DNAH12: variants seen among roughly 807,000 people sequenced by gnomAD.
The protein encoded by DNAH12 is dynein axonemal heavy chain 12.
In DNAH12, 285 loss-of-function variants were observed where a neutral mutation model predicts 371.5. The ratio of observed to expected loss-of-function variants is 0.77; its 90% CI spans 0.70 to 0.85. The LOEUF is 0.85. Ranked by LOEUF, DNAH12 falls within the 40% of genes least tolerant of loss-of-function variation. DNAH12 has a pLI of 0.00. For missense variants in DNAH12, 3,611 were observed against 3,689.4 expected (o/e 0.98, Z 0.55); for synonymous variants, 1,200 against 1,213.0 (o/e 0.99, Z 0.22).
At chr3:57,501,505 A>C in intron 10 of DNAH12, 93 bp from the exon 11 acceptor site, 1 of 799,536 alleles carries the variant, frequency 1.3e-6, no homozygotes, top group East Asian at 3.0e-5. Flanking sequence ...GGACCTACTC[A>C]ATTAAATATT....
chr3:57,523,810 G>T lies in DNAH12; in HGVS notation c.245C>A (p.Pro82His). The T allele has an allele frequency of 6.3e-7, 1 of 1,599,424 alleles. No individual in the cohort carries two copies. The highest frequency in any genetic ancestry group is 1.3e-5 in the African/African-American group (1 of 74,506). The change falls in exon 3 of 74, where the codon CCT (proline) becomes CAT (histidine). Residue 82 changes from proline (P) to histidine (H), a missense_variant. Physicochemically the swap from Pro to His is moderately conservative, Grantham distance 77. Coordinates refer to ENST00000495027, the MANE Select transcript of DNAH12 (RefSeq NM_001366028.2). Reference protein sequence around the residue: ...RTPLLPPPDYPQTMTSEMKKK... With the variant: ...RTPLLPPPDYHQTMTSEMKKK... ...GAGAAAACATAAACTTACAGTTTGA[G>T]GATAATCAGGTGGTGGTAATAGAGG...
At chr3:57,411,924 G>A (rs1485645328) in intron 39 of DNAH12, among the ~76,000 whole-genome samples, 1 of 152,156 alleles carries the variant, frequency 6.6e-6, no homozygotes, top group Non-Finnish European at 1.5e-5. Flanking sequence ...CCAACTTTAA[G>A]GCTTACTATA....
rs368757579 is a variant in DNAH12 at position 57,421,902 on chromosome 3, C to CTTTTTTTTTTTTTTTTTTTTTTT, written c.5374-197_5374-196insAAAAAAAAAAAAAAAAAAAAAAA. On this transcript the variant is annotated intron_variant, in intron 35 of 73. Coordinates refer to ENST00000495027, the MANE Select transcript of DNAH12 (RefSeq NM_001366028.2). ...AATTTTTATCAAAATGTTTGCATGT[C>CTTTTTTTTTTTTTTTTTTTTTTT]TTTTTTTTTTTTTTTTTTTTTGAGA... 1.7e-4 allele frequency among the ~76,000 whole-genome samples: 17 copies of CTTTTTTTTTTTTTTTTTTTTTTT among 98,548 alleles called. 3 individuals are homozygous for CTTTTTTTTTTTTTTTTTTTTTTT. Among genetic ancestry groups the CTTTTTTTTTTTTTTTTTTTTTTT allele is most frequent in the African/African-American group, 7.3e-4 (15 of 20,598 alleles). 64.7% of individuals were successfully genotyped at this position (98,548 alleles called of 152,430 possible).
At chr3:57,309,602 A>G in intron 68 of DNAH12, 64 bp downstream of exon 68, 22 of 1,348,566 alleles carry the variant, frequency 1.6e-5, no homozygotes, top group Non-Finnish European at 2.1e-5. Context: ...TGGAGTTTTC[A>G]GATTGTCATT....
intron 16 of DNAH12, 109 bp downstream of exon 16, chr3:57,470,334 G>A: frequency 9.1e-7 from 1 of 1,100,448 alleles, no homozygotes; most frequent in Non-Finnish European, 1.3e-6. Flanking sequence ...TCTTTCAAAT[G>A]GACATATAAA....
At chr3:57,511,048 C>A in intron 4 of DNAH12, 69 bp from the exon 5 acceptor site, 1 of 1,144,744 alleles carries the variant, frequency 8.7e-7, no homozygotes, top group Non-Finnish European at 1.2e-6. Context: ...CTGAACTCTC[C>A]CTTCCTAAGA....
intron 4 of DNAH12, among the ~76,000 whole-genome samples, chr3:57,515,089 T>C (rs1375005840): frequency 1.3e-5 from 2 of 152,142 alleles, no homozygotes; most frequent in Non-Finnish European, 2.9e-5. Flanking sequence ...CCCTGGGATG[T>C]TACTGGAATA....
intron 60 of DNAH12, among the ~76,000 whole-genome samples, chr3:57,335,827 G>A (rs1203394111): frequency 6.6e-6 from 1 of 152,174 alleles, no homozygotes; most frequent in African/African-American, 2.4e-5. Context: ...AAAGCTCCCA[G>A]AGATCACACA....
intron 59 of DNAH12, among the ~76,000 whole-genome samples, chr3:57,353,081 G>A (rs993894488): frequency 3.9e-5 from 6 of 151,986 alleles, no homozygotes; most frequent in Non-Finnish European, 7.4e-5. Context: ...ATGAGACTCC[G>A]TCTCAAAAAG....
chr3:57,300,571 AAAG>A (rs1238826369), intron 70 of DNAH12, among the ~76,000 whole-genome samples: 2 of 152,116 alleles, frequency 1.3e-5, no homozygotes, highest in Non-Finnish European at 2.9e-5. Context: ...CACACATACT[AAAG>A]AAGCATAGGC....
In DNAH12 at chr3:57,343,191, AAAAG is replaced by A. The variant is rs563926233; in HGVS notation, c.9675-8255_9675-8252del. 3.6e-3 allele frequency among the ~76,000 whole-genome samples: 554 copies of A among 152,354 alleles called. 4 individuals carry two copies. Among genetic ancestry groups the A allele is most frequent in the African/African-American group, 0.013 (527 of 41,586 alleles). On this transcript the variant is annotated intron_variant, in intron 60 of 73. Transcript: ENST00000495027. ...ACTAATAATTAGGGAAATTGTGGGG[AAAAG>A]AAAGAGAGATCAGACTGTTACTGTG...
At chr3:57,543,315 GTTTTTTT>G (rs5849214) in intron 1 of DNAH12, among the ~76,000 whole-genome samples, 11 of 70,286 alleles carry the variant, frequency 1.6e-4, no homozygotes, top group African/African-American at 3.1e-4. Flanking sequence ...ATCATTAATG[GTTTTTTT>G]TTTTTTTTTT....
intron 2 of DNAH12, among the ~76,000 whole-genome samples, chr3:57,537,972 C>T (rs989997160): frequency 6.6e-6 from 1 of 152,172 alleles, no homozygotes; most frequent in African/African-American, 2.4e-5. Flanking sequence ...CGTGAGCCAC[C>T]ACGCCCGGCT....
intron 59 of DNAH12, among the ~76,000 whole-genome samples, chr3:57,354,526 T>G (rs2062752516): frequency 7.2e-6 from 1 of 138,580 alleles, no homozygotes; most frequent in African/African-American, 2.7e-5. Flanking sequence ...ATAAACCCTA[T>G]GTCTTGTTTG....
chr3:57,474,903 G>T (rs1432207214), intron 13 of DNAH12, among the ~76,000 whole-genome samples: 8 of 151,920 alleles, frequency 5.3e-5, no homozygotes, highest in Admixed American at 1.3e-4. Flanking sequence ...TTGAACCCGG[G>T]AGGCAGAGGT....
chr3:57,518,675 G>C (rs2068295565), intron 4 of DNAH12, among the ~76,000 whole-genome samples: 1 of 152,192 alleles, frequency 6.6e-6, no homozygotes, highest in South Asian at 2.1e-4. Flanking sequence ...CTAAGCATAT[G>C]GGAGGGAGGT....
chr3:57,441,111 A>G (rs553571007), intron 29 of DNAH12, among the ~76,000 whole-genome samples: 2 of 152,354 alleles, frequency 1.3e-5, no homozygotes, highest in South Asian at 2.1e-4. Flanking sequence ...TAATTAACAG[A>G]TAAGAACTTG....
chr3:57,474,930 C>T (rs1049019956), intron 13 of DNAH12, among the ~76,000 whole-genome samples: 1 of 150,708 alleles, frequency 6.6e-6, no homozygotes, highest in Non-Finnish European at 1.5e-5. Context: ...GAGCTGGGAT[C>T]GCGCCATTGC....
In DNAH12 at chr3:57,293,857, A is replaced by C; in HGVS notation, c.11807T>G (p.Met3936Arg). The C allele has an allele frequency of 6.4e-7, 1 of 1,550,952 alleles. No individual in the cohort carries two copies. Among genetic ancestry groups the C allele is most frequent in the Non-Finnish European group, 8.7e-7 (1 of 1,146,680 alleles). The change falls in exon 74 of 74, where the codon ATG becomes AGG. Residue 3936 changes from methionine (M) to arginine (R), a missense_variant. This residue lies in a region of DNAH12 where 2,266 missense variants were observed against 2,236.9 expected (regional missense o/e 1.01). Coordinates refer to ENST00000495027, the MANE Select transcript of DNAH12 (RefSeq NM_001366028.2). Reference sequence around the variant, plus strand: ...AGTAGGTTGGTCTGTTTTTAACAACATTGCAATGACAAAGTTAGTAGAATG... The same window carrying C: ...AGTAGGTTGGTCTGTTTTTAACAACCTTGCAATGACAAAGTTAGTAGAATG... The part of the protein sequence containing the change: ...TGHSTNFVIA[M>R]LLKTDQPTRH...
Sources: gnomAD v4.1 joint callset for allele counts (sites outside exome capture counted in the v4.1 genomes callset) on GRCh38, gnomAD v4.1.1 for gene constraint, gnomAD v4.1.1 regional missense constraint, MANE v1.5 for transcripts, NCBI Gene and HGNC (gene_info 2026-07-23, HGNC 2026-07-21) for gene names.